Variants in SLC35H1 observed in about 807,000 individuals in gnomAD.
The protein encoded by SLC35H1 is ovarian cancer-overexpressed gene 1 protein.
At chr20:46,352,218 A>G in the SLC35H1 span, 1 of 1,614,088 alleles carries the variant, frequency 6.2e-7, no homozygotes, top group South Asian at 1.1e-5. Flanking sequence ...GATGTGGACA[A>G]ATGGAGACCT....
chr20:46,353,533 C>G, the SLC35H1 span, among the ~76,000 whole-genome samples: 1 of 152,194 alleles, frequency 6.6e-6, no homozygotes, highest in East Asian at 1.9e-4. Context: ...CAAAGAAATG[C>G]CGAGTGACAG....
chr20:46,350,247 A>T, the SLC35H1 span: 1 of 940,072 alleles, frequency 1.1e-6, no homozygotes, highest in Non-Finnish European at 1.5e-6. Context: ...GAGGGGCAAA[A>T]GTCATGAGTC....
At chr20:46,360,929 G>C in the SLC35H1 span, among the ~76,000 whole-genome samples, 4 of 152,200 alleles carry the variant, frequency 2.6e-5, no homozygotes, top group East Asian at 7.7e-4. Context: ...AAAAGGGACT[G>C]TTACAAAATA....
the SLC35H1 span, chr20:46,356,632 C>T: frequency 5.6e-6 from 9 of 1,613,764 alleles, no homozygotes; most frequent in Admixed American, 1.3e-4. Flanking sequence ...AGCGCCGTCG[C>T]CAGAGCTGTG....
At chr20:46,352,131 C>A in the SLC35H1 span, 1 of 1,614,178 alleles carries the variant, frequency 6.2e-7, no homozygotes, top group South Asian at 1.1e-5. Context: ...AAACCAAAGG[C>A]GAGAATCCCG....
the SLC35H1 span, chr20:46,350,427 C>T: frequency 4.3e-6 from 7 of 1,613,752 alleles, no homozygotes; most frequent in South Asian, 4.4e-5. Context: ...AGTACTCCTC[C>T]TCCTCATTGT....
chr20:46,352,365 G>T, the SLC35H1 span: 1 of 752,938 alleles, frequency 1.3e-6, no homozygotes, highest in Non-Finnish European at 2.1e-6. Flanking sequence ...CAGAGAAAAA[G>T]CATGGAAGGT....
the SLC35H1 span, chr20:46,358,330 G>A: frequency 3.8e-4 from 564 of 1,483,528 alleles, 1 homozygote; most frequent in South Asian, 5.3e-3. Flanking sequence ...GGGCACCGTA[G>A]CCATGGCTCT....
chr20:46,356,768 C>G, the SLC35H1 span: 1 of 779,596 alleles, frequency 1.3e-6, no homozygotes, highest in Non-Finnish European at 2.1e-6. Flanking sequence ...GCCCTTGGGC[C>G]TTCTTTTCCA....
At chr20:46,350,495 G>A in the SLC35H1 span, 1 of 1,611,682 alleles carries the variant, frequency 6.2e-7, no homozygotes, top group Non-Finnish European at 8.5e-7. Flanking sequence ...CTGGAGCCCA[G>A]CCCCTTCAAG....
chr20:46,351,442 G>A, the SLC35H1 span, among the ~76,000 whole-genome samples: 4 of 152,328 alleles, frequency 2.6e-5, no homozygotes, highest in East Asian at 7.7e-4. Context: ...ACACTGGTGT[G>A]TGCCTGGCCA....
At chr20:46,354,388 T>C in the SLC35H1 span, among the ~76,000 whole-genome samples, 1 of 152,180 alleles carries the variant, frequency 6.6e-6, no homozygotes, top group Admixed American at 6.5e-5. Context: ...ACTTGCCTGA[T>C]TACTCCAGCA....
the SLC35H1 span, chr20:46,355,201 C>T: frequency 6.2e-7 from 1 of 1,613,944 alleles, no homozygotes; most frequent in Admixed American, 1.7e-5. The surrounding 1 kb of genome is among the most constrained non-coding windows in gnomAD (Gnocchi z 4.8). Flanking sequence ...CATGAAGAGA[C>T]CCCCGGCGAT....
the SLC35H1 span, among the ~76,000 whole-genome samples, chr20:46,359,229 C>G: frequency 1.8e-4 from 27 of 152,244 alleles, no homozygotes; most frequent in Non-Finnish European, 7.3e-5. Context: ...TCCTACCTAT[C>G]TTCAGCTCAG....
the SLC35H1 span, chr20:46,355,088 G>A: frequency 2.5e-6 from 4 of 1,614,120 alleles, no homozygotes; most frequent in Non-Finnish European, 3.4e-6. This position sits in a 1 kb window ranked among gnomAD's most constrained non-coding sequence, Gnocchi z 4.8. Flanking sequence ...TCAGCCTTCT[G>A]CAGGAGCATC....
At chr20:46,352,487 T>C in the SLC35H1 span, 23 of 436,848 alleles carry the variant, frequency 5.3e-5, no homozygotes, top group African/African-American at 4.6e-4. Context: ...ATGATGCGGA[T>C]CCTAGCGGGA....
chr20:46,363,372 T>C, the SLC35H1 span, among the ~76,000 whole-genome samples: 1 of 152,224 alleles, frequency 6.6e-6, no homozygotes, highest in Non-Finnish European at 1.5e-5. Flanking sequence ...GACTCATATA[T>C]CTAACTGCCT....
the SLC35H1 span, chr20:46,350,910 A>AG: frequency 6.2e-7 from 1 of 1,613,168 alleles, no homozygotes; most frequent in East Asian, 2.2e-5. Flanking sequence ...GAGAAGCAGG[A>AG]GGGAGCATGA....
chr20:46,355,379 G>C, the SLC35H1 span: 3 of 963,680 alleles, frequency 3.1e-6, no homozygotes, highest in African/African-American at 1.6e-5. This position sits in a 1 kb window ranked among gnomAD's most constrained non-coding sequence, Gnocchi z 4.8. Flanking sequence ...CTCCATCCCA[G>C]GGGGTCCTGG....
Sources: gnomAD v4.1 joint callset for allele counts (sites outside exome capture counted in the v4.1 genomes callset) on GRCh38, gnomAD v4.1.1 for gene constraint, Gnocchi (gnomAD v3.1) non-coding constraint, MANE v1.5 for transcripts, NCBI Gene and HGNC (gene_info 2026-07-23, HGNC 2026-07-21) for gene names.